The following CIITA variants were observed in gnomAD, a reference collection of about 807,000 sequenced individuals.
CIITA encodes MHC class II transactivator.
Under a neutral mutation model 115.1 loss-of-function variants are expected in CIITA, and 72 were observed. That is an observed-to-expected ratio of 0.63 (90% CI 0.52 to 0.76). The LOEUF is 0.76. Among genes scored for constraint, CIITA ranks in the 30% least tolerant of loss-of-function variants. The probability of loss-of-function intolerance (pLI) is 0.00; values close to 1 mark genes in which losing one functional copy is unlikely to be tolerated. For missense variants in CIITA, 1,617 were observed against 1,463.8 expected, an observed-to-expected ratio of 1.10 and a Z score of -1.71; for synonymous variants, 763 against 635.6, an observed-to-expected ratio of 1.20 and a Z score of -3.02.
chr16:10,880,308 G>C (rs1211061632), intron 1 of CIITA, among the ~76,000 whole-genome samples: 1 of 152,176 alleles, frequency 6.6e-6, no homozygotes, highest in Non-Finnish European at 1.5e-5. Flanking sequence ...TAGGCCTGGG[G>C]TGAGGCTGAG....
intron 12 of CIITA, 108 bp downstream of exon 12, chr16:10,909,295 G>A (rs890119705): frequency 1.7e-6 from 2 of 1,162,080 alleles, no homozygotes; most frequent in South Asian, 1.3e-5. Flanking sequence ...TGTCCTCTGG[G>A]ACACCCCATG....
At chr16:10,877,184 C>T (rs764930204), upstream of CIITA, 4 of 731,428 alleles carry the variant, frequency 5.5e-6, no homozygotes, top group African/African-American at 5.2e-5. Context: ...TTGGCGGGCT[C>T]CCAACTGGTG....
In CIITA at chr16:10,941,881, T is replaced by G; in HGVS notation, n.1007T>G. On this transcript the variant is annotated non_coding_transcript_exon_variant, in exon 2 of 2. Transcript: ENST00000573379. The surrounding 1 kb of genome is among the most constrained non-coding windows in gnomAD (Gnocchi z 6.4). ...GATGTACTCCATGAGGAAGGCGTAG[T>G]ACAGGATCAGCACATTGACGAAGAA... 1 of 1,611,630 alleles carries G rather than the reference T, an allele frequency of 6.2e-7. No homozygotes were observed. The highest frequency in any genetic ancestry group is 8.5e-7 in the Non-Finnish European group (1 of 1,179,600).
intron 1 of CIITA, among the ~76,000 whole-genome samples, chr16:10,894,111 C>T (rs570470700): frequency 1.3e-3 from 197 of 152,292 alleles, no homozygotes; most frequent in Non-Finnish European, 1.6e-3. Flanking sequence ...CTCAGCCTCC[C>T]AAAGTGCTGG....
At position 10,925,460 on chromosome 16, in the gene CIITA, C is replaced by T. The variant is rs1480623941; in HGVS notation, c.*1605C>T. On this transcript the variant is annotated 3_prime_UTR_variant, in exon 20 of 20. Transcript: ENST00000324288. ...TAGCTGGGACTACAGGTGTGAGTCA[C>T]CAAGCCCAGTTAATCTTTAGTTTTA... 6.6e-6 allele frequency: 1 copy of T among 152,318 alleles called. No homozygotes were observed. Among genetic ancestry groups the T allele is most frequent in the Non-Finnish European group, 1.5e-5 (1 of 68,128 alleles). The allele number at this position is 152,318 out of a possible 1,614,324, so 9.4% of individuals were successfully genotyped here. A position where few individuals can be genotyped will look rare whatever the true frequency, so the allele number is the denominator to read the frequency against.
At chr16:10,906,302 G>A (rs769766438) in intron 10 of CIITA, among the ~76,000 whole-genome samples, 197 bp from the exon 11 acceptor site, 19 of 152,240 alleles carry the variant, frequency 1.2e-4, no homozygotes, top group Non-Finnish European at 1.9e-4. Flanking sequence ...TGAGGTTGCA[G>A]CGAGCTGTGA....
rs770066015 is a variant in CIITA, at chr16:10,923,001, A to G, written c.3318-227A>G. ...AAAATAAAGCACAGAGCAGTTAACT[A>G]ACCTTTCTGGGGTCACACAGCAAGT... On this transcript the variant is annotated intron_variant, in intron 18 of 19. Transcript: ENST00000324288. The surrounding 1 kb of genome is among the most constrained non-coding windows in gnomAD (Gnocchi z 5.2). 4 of 587,564 alleles carry G rather than the reference A, an allele frequency of 6.8e-6. No individual in the cohort carries two copies. Among genetic ancestry groups the G allele is most frequent in the Non-Finnish European group, 1.2e-5 (4 of 328,026 alleles). 36.4% of individuals were successfully genotyped at this position (587,564 alleles called of 1,614,324 possible).
upstream of CIITA, among the ~76,000 whole-genome samples, chr16:10,876,517 C>T (rs117955714): frequency 6.6e-6 from 1 of 152,168 alleles, no homozygotes; most frequent in Non-Finnish European, 1.5e-5. Context: ...AAGACATGTT[C>T]ACACCAAGCT....
intron 11 of CIITA, 149 bp downstream of exon 11, chr16:10,908,298 T>G: frequency 1.0e-6 from 1 of 976,982 alleles, no homozygotes; most frequent in Non-Finnish European, 1.6e-6. Context: ...AAGATGAGGA[T>G]GTTGAGGCTC....
intron 8 of CIITA, among the ~76,000 whole-genome samples, chr16:10,903,421 C>T (rs2144606154): frequency 6.6e-6 from 1 of 152,296 alleles, no homozygotes; most frequent in East Asian, 1.9e-4. Context: ...AGCAGAGAAG[C>T]AGTTCCTGAT....
At chr16:10,892,732 A>G (rs1237442142) in intron 1 of CIITA, among the ~76,000 whole-genome samples, 1 of 152,212 alleles carries the variant, frequency 6.6e-6, no homozygotes, top group Non-Finnish European at 1.5e-5. Context: ...CAGGAGTTCA[A>G]GACCAGCGTG....
In CIITA at chr16:10,907,201, C is replaced by T. The variant is rs1306373595; in HGVS notation, c.1709C>T (p.Ser570Phe). 6.2e-7 allele frequency: 1 copy of T among 1,613,462 alleles called. No individual in the cohort carries two copies. The highest frequency in any genetic ancestry group is 8.5e-7 in the Non-Finnish European group (1 of 1,179,976). Residue 570 changes from serine (S) to phenylalanine (F), a missense_variant, in exon 11 of 20, where the codon TCC (serine) becomes TTC (phenylalanine). Physicochemically the swap from Ser to Phe is radical, Grantham distance 155. Transcript: ENST00000324288. This position sits in a 1 kb window ranked among gnomAD's most constrained non-coding sequence, Gnocchi z 5.0. ...GCCCTATTTGAGCTGTCCGGCTTCT[C>T]CATGGAGCAGGCCCAGGCATACGTG... Reference protein sequence around the residue: ...ADALFELSGFSMEQAQAYVMR... With the variant: ...ADALFELSGFFMEQAQAYVMR...
At position 10,941,503 on chromosome 16, in the gene CIITA, G is replaced by C. The variant is rs2041101700; in HGVS notation, n.629G>C. ...GAGGGAGGGGTGTGTATCCGGCCTG[G>C]GAATTCCTCCCTCTCCCTTGCTAGC... On this transcript the variant is annotated non_coding_transcript_exon_variant, in exon 2 of 2. Transcript: ENST00000573379. The surrounding 1 kb of genome is among the most constrained non-coding windows in gnomAD (Gnocchi z 6.4). 1 of 1,368,406 alleles carries C rather than the reference G, an allele frequency of 7.3e-7. No homozygotes were observed. Among genetic ancestry groups the C allele is most frequent in the African/African-American group, 1.5e-5 (1 of 67,614 alleles). 84.8% of individuals were successfully genotyped at this position (1,368,406 alleles called of 1,614,324 possible). A position where few individuals can be genotyped will look rare whatever the true frequency, so the allele number is the denominator to read the frequency against.
At chr16:10,903,946 T>G (rs1237660161) in intron 9 of CIITA, 51 bp downstream of exon 9, 13 of 1,611,336 alleles carry the variant, frequency 8.1e-6, no homozygotes, top group Non-Finnish European at 1.1e-5. Flanking sequence ...ATCGAGGCCC[T>G]GGGGAAGGAA....
rs562008044 is a variant in CIITA, at chr16:10,879,743, C to T, written c.52+2361C>T. 6.6e-6 allele frequency among the ~76,000 whole-genome samples: 1 copy of T among 152,214 alleles called. No homozygotes were observed. The highest frequency in any genetic ancestry group is 2.4e-5 in the African/African-American group (1 of 41,542). On this transcript the variant is annotated intron_variant, in intron 1 of 19. Coordinates refer to ENST00000324288, the MANE Select transcript of CIITA (RefSeq NM_000246.4). This position sits in a 1 kb window ranked among gnomAD's most constrained non-coding sequence, Gnocchi z 4.3. ...TCTAAGGAGAGAGGCTAAAGCGCCC[C>T]GGAAAGCCAGCGTGCGAATGCCGGG...
rs2041138570 is a variant in CIITA at position 10,942,864 on chromosome 16, C to A, written n.1990C>A. ...GGTTGCCCTGGAAATTTTGGACATT[C>A]CCAAAGCGCCAATTTTCATGGTGGA... On this transcript the variant is annotated non_coding_transcript_exon_variant, in exon 2 of 2. Transcript: ENST00000573379. The surrounding 1 kb of genome is among the most constrained non-coding windows in gnomAD (Gnocchi z 5.0). 6.6e-6 allele frequency: 1 copy of A among 152,210 alleles called. No homozygotes were observed. The highest frequency in any genetic ancestry group is 2.4e-5 in the African/African-American group (1 of 41,454). The allele number at this position is 152,210 out of a possible 1,614,324, so 9.4% of individuals were successfully genotyped here. A position where few individuals can be genotyped will look rare whatever the true frequency, so the allele number is the denominator to read the frequency against.
downstream of CIITA, chr16:10,936,597 CAG>C (rs2041028291): frequency 6.6e-6 from 1 of 152,216 alleles, no homozygotes; most frequent in Admixed American, 6.5e-5. Flanking sequence ...TACTTCATAA[CAG>C]AGGTTTTTGT....
In CIITA at chr16:10,907,054, A is replaced by T. The variant is rs2144712933; in HGVS notation, c.1562A>T (p.Glu521Val). The T allele has an allele frequency of 6.2e-7, 1 of 1,607,442 alleles. No individual in the cohort carries two copies. The highest frequency in any genetic ancestry group is 1.1e-5 in the South Asian group (1 of 91,072). Residue 521 changes from glutamate to valine, a missense_variant, in exon 11 of 20, where the codon GAG becomes GTG. Glu to Val is a moderately radical substitution (Grantham distance 121, BLOSUM62 -2). Coordinates refer to ENST00000324288, the MANE Select transcript of CIITA (RefSeq NM_000246.4). The surrounding 1 kb of genome is among the most constrained non-coding windows in gnomAD (Gnocchi z 5.0). ...AGCACGTGCGGACCGGCACCGGCGG[A>T]GCCCTGCTCCCTCCGGGGGCTGCTG... Reference protein sequence around the residue: ...LHSTCGPAPAEPCSLRGLLAG... With the variant: ...LHSTCGPAPAVPCSLRGLLAG...
At chr16:10,894,893 C>T (rs1223287791) in intron 1 of CIITA, among the ~76,000 whole-genome samples, 4 of 152,202 alleles carry the variant, frequency 2.6e-5, no homozygotes, top group African/African-American at 9.7e-5. Context: ...TAATACCTTC[C>T]TTACATGGTT....
Sources: allele counts gnomAD v4.1 joint callset (sites outside exome capture counted in the v4.1 genomes callset), GRCh38; gene constraint gnomAD v4.1.1; non-coding constraint Gnocchi (gnomAD v3.1); transcripts MANE v1.5; gene names NCBI Gene and HGNC (gene_info 2026-07-23, HGNC 2026-07-21).